TRPM3: variants seen among roughly 807,000 people sequenced by gnomAD.
The protein encoded by TRPM3 is transient receptor potential cation channel subfamily M member 3.
In TRPM3, 77 loss-of-function variants were observed where a neutral mutation model predicts 181.2. The ratio of observed to expected loss-of-function variants is 0.42; its 90% CI spans 0.35 to 0.51. TRPM3 has a LOEUF of 0.51. TRPM3 is among the 20% of genes least tolerant of loss of function. The pLI is 0.01. For synonymous variants in TRPM3, 745 were observed against 796.4 expected (o/e 0.94, Z 1.09); for missense variants, 1,759 against 2,196.7 (o/e 0.80, Z 3.98).
intron 14 of TRPM3, among the ~76,000 whole-genome samples, chr9:70,624,000 G>A (rs2133259719): frequency 6.6e-6 from 1 of 152,166 alleles, no homozygotes; most frequent in South Asian, 2.1e-4. Flanking sequence ...GAAAACAACT[G>A]ATCGTATTTG....
chr9:71,031,892 A>T (rs976610286), intron 1 of TRPM3, among the ~76,000 whole-genome samples: 2 of 141,028 alleles, frequency 1.4e-5, no homozygotes, highest in Non-Finnish European at 3.0e-5. Flanking sequence ...ACATGTATTT[A>T]CTAATATCTG....
intron 1 of TRPM3, among the ~76,000 whole-genome samples, chr9:71,010,439 A>G (rs572605213): frequency 1.3e-5 from 2 of 152,194 alleles, no homozygotes; most frequent in East Asian, 3.9e-4. Context: ...CAAATAATCC[A>G]TTTGAAAAAT....
chr9:70,613,670 C>G (rs542038297), intron 18 of TRPM3, among the ~76,000 whole-genome samples: 1 of 152,192 alleles, frequency 6.6e-6, no homozygotes, highest in Non-Finnish European at 1.5e-5. Context: ...CTTTCCTTCT[C>G]CCTGCTGTTT....
At chr9:71,202,078 G>T (rs1307932688) in intron 1 of TRPM3, among the ~76,000 whole-genome samples, 2 of 152,312 alleles carry the variant, frequency 1.3e-5, no homozygotes, top group African/African-American at 2.4e-5. Flanking sequence ...GTCTGTTGGA[G>T]TTTGCTAGAG....
In TRPM3 at chr9:70,833,557, T is replaced by C. The variant is rs1369759423; in HGVS notation, c.802-5539A>G. Among the ~76,000 whole-genome samples the C allele has an allele frequency of 2.3e-4, 35 of 152,182 alleles. 1 individual carries two copies. Among genetic ancestry groups the C allele is most frequent in the Admixed American group, 2.0e-3 (31 of 15,266 alleles). On this transcript the variant is annotated intron_variant, in intron 5 of 25. Coordinates refer to ENST00000677713, the MANE Select transcript of TRPM3 (RefSeq NM_001366145.2). ...CATACTTTATAGGTGGGAAGAATTA[T>C]AGGGGCTCAAAGAGGTGAGGTATCT...
intron 1 of TRPM3, among the ~76,000 whole-genome samples, chr9:70,990,695 G>A (rs2097473297): frequency 6.6e-6 from 1 of 152,102 alleles, no homozygotes; most frequent in Admixed American, 6.6e-5. Context: ...ACACAGGACT[G>A]CACATACATG....
intron 1 of TRPM3, among the ~76,000 whole-genome samples, chr9:71,132,680 A>C (rs1009417287): frequency 3.9e-5 from 6 of 152,188 alleles, no homozygotes; most frequent in Non-Finnish European, 7.4e-5. Context: ...TAAAATTCAT[A>C]AAAATATAAA....
chr9:71,218,523 G>A (rs1411111711), intron 1 of TRPM3, among the ~76,000 whole-genome samples: 3 of 152,134 alleles, frequency 2.0e-5, no homozygotes, highest in Non-Finnish European at 4.4e-5. Context: ...TATGAAATTT[G>A]CCAAGGAATC....
chr9:71,381,447 T>C (rs1196921093), intron 1 of TRPM3, among the ~76,000 whole-genome samples: 3 of 152,146 alleles, frequency 2.0e-5, no homozygotes, highest in African/African-American at 7.2e-5. Flanking sequence ...AGGCAAGGCC[T>C]GGTATGTCAT....
At chr9:71,224,001 T>TCA (rs2080412956) in intron 1 of TRPM3, among the ~76,000 whole-genome samples, 1 of 152,178 alleles carries the variant, frequency 6.6e-6, no homozygotes, top group South Asian at 2.1e-4. Context: ...CTGACTGGCT[T>TCA]CACCACCTGC....
intron 1 of TRPM3, among the ~76,000 whole-genome samples, chr9:71,253,607 C>G (rs889172291): frequency 6.6e-6 from 1 of 152,104 alleles, no homozygotes; most frequent in Non-Finnish European, 1.5e-5. Context: ...CTCCTAGAAA[C>G]TGTTTTGGTA....
At position 70,530,994 on chromosome 9, in the gene TRPM3, C is replaced by T. The variant is rs571491620; in HGVS notation, c.*4959G>A. On this transcript the variant is annotated 3_prime_UTR_variant, in exon 26 of 26. Coordinates refer to ENST00000677713, the MANE Select transcript of TRPM3 (RefSeq NM_001366145.2). ...GACACCCAAACACACGCCTCCCACCCCCAAGGTGAAGAAGCCACAAGACAA... is the reference window on the plus strand; with the variant it reads ...GACACCCAAACACACGCCTCCCACCTCCAAGGTGAAGAAGCCACAAGACAA... 2.7e-4 allele frequency: 41 copies of T among 152,298 alleles called. No individual in the cohort carries two copies. Among genetic ancestry groups the T allele is most frequent in the African/African-American group, 9.4e-4 (39 of 41,552 alleles). The allele number at this position is 152,298 out of a possible 1,614,324, so 9.4% of individuals were successfully genotyped here.
At chr9:70,769,849 A>G (rs1255447279) in intron 7 of TRPM3, among the ~76,000 whole-genome samples, 1 of 152,092 alleles carries the variant, frequency 6.6e-6, no homozygotes, top group Non-Finnish European at 1.5e-5. Flanking sequence ...GCTTGGTTCA[A>G]TGTTAGCTAT....
rs138665977 is a variant in TRPM3, at chr9:70,532,339, G to C, written c.*3614C>G. 9.2e-5 allele frequency: 14 copies of C among 152,224 alleles called. No individual in the cohort carries two copies. The highest frequency in any genetic ancestry group is 3.9e-4 in the Admixed American group (6 of 15,290). The allele number at this position is 152,224 out of a possible 1,614,324, so 9.4% of individuals were successfully genotyped here. A position where few individuals can be genotyped will look rare whatever the true frequency, so the allele number is the denominator to read the frequency against. On this transcript the variant is annotated 3_prime_UTR_variant, in exon 26 of 26. Coordinates refer to ENST00000677713, the MANE Select transcript of TRPM3 (RefSeq NM_001366145.2). ...AGAAACACATTTTGTGTTTTTATGAGTACATTTTTCTCGTTTGATTATTCT... is the reference window on the plus strand; with the variant it reads ...AGAAACACATTTTGTGTTTTTATGACTACATTTTTCTCGTTTGATTATTCT...
chr9:71,189,112 C>T (rs2134983599), intron 1 of TRPM3, among the ~76,000 whole-genome samples: 1 of 151,838 alleles, frequency 6.6e-6, no homozygotes, highest in African/African-American at 2.4e-5. Context: ...TCAGGAATTG[C>T]CTCTCTATGA....
intron 1 of TRPM3, among the ~76,000 whole-genome samples, chr9:70,995,690 TC>T (rs2097535400): frequency 6.6e-6 from 1 of 152,180 alleles, no homozygotes; most frequent in Non-Finnish European, 1.5e-5. Context: ...TGTCAGAGGT[TC>T]CTAGCATCTT....
chr9:70,884,478 C>T (rs143310076), intron 1 of TRPM3, among the ~76,000 whole-genome samples: 3 of 152,290 alleles, frequency 2.0e-5, no homozygotes, highest in East Asian at 1.9e-4. Context: ...GCAGAACTGG[C>T]GATGGCCCCA....
intron 1 of TRPM3, among the ~76,000 whole-genome samples, chr9:71,053,684 T>C (rs956854416): frequency 3.9e-5 from 6 of 152,150 alleles, no homozygotes; most frequent in Non-Finnish European, 7.4e-5. Context: ...CCTGGTGACA[T>C]GGACTTGGCA....
chr9:71,409,063 G>A lies in TRPM3; in HGVS notation c.183+37590C>T, dbSNP rs184420537. 1.2e-3 allele frequency among the ~76,000 whole-genome samples: 187 copies of A among 152,220 alleles called. 2 individuals carry two copies. Among genetic ancestry groups the A allele is most frequent in the Non-Finnish European group, 1.9e-3 (128 of 68,004 alleles). On this transcript the variant is annotated intron_variant, in intron 1 of 24. Coordinates refer to the TRPM3 transcript ENST00000357533. ...CTTTACAGACAAAAAAATGCTGAGC[G>A]ATTTTGTCACCACCAGGCATGCCCT...
Sources: allele counts gnomAD v4.1 joint callset (sites outside exome capture counted in the v4.1 genomes callset), GRCh38; gene constraint gnomAD v4.1.1; transcripts MANE v1.5; gene names NCBI Gene and HGNC (gene_info 2026-07-23, HGNC 2026-07-21).